TDRD12: variants seen among roughly 807,000 people sequenced by gnomAD.
The protein encoded by TDRD12 is tudor domain containing 12, also known as putative ATP-dependent RNA helicase TDRD12.
In TDRD12, 158 loss-of-function variants were observed where a neutral mutation model predicts 133.5. That is an observed-to-expected ratio of 1.18 (90% confidence interval 1.04 to 1.35). The LOEUF is 1.35. Among genes scored for constraint, TDRD12 ranks in the 40% most tolerant of loss-of-function variants. TDRD12 has a pLI of 0.00. For synonymous variants in TDRD12, 460 were observed against 477.9 expected (o/e 0.96, Z 0.49); for missense variants, 1,443 against 1,321.3 (o/e 1.09, Z -1.43).
chr19:32,770,549 G>A (rs1970417006), intron 8 of TDRD12, among the ~76,000 whole-genome samples: 1 of 151,912 alleles, frequency 6.6e-6, no homozygotes, highest in Non-Finnish European at 1.5e-5. Context: ...TTTCATTTCT[G>A]TTCTGTTTTC....
At chr19:32,782,256 G>A (rs1423028159) in intron 11 of TDRD12, among the ~76,000 whole-genome samples, 1 of 152,014 alleles carries the variant, frequency 6.6e-6, no homozygotes, top group East Asian at 1.9e-4. Context: ...TGAGAATGAT[G>A]GTTTCCAGCT....
At chr19:32,721,937 C>T (rs1968695010) in intron 1 of TDRD12, among the ~76,000 whole-genome samples, 1 of 149,156 alleles carries the variant, frequency 6.7e-6, no homozygotes, top group Admixed American at 6.7e-5. Flanking sequence ...AGGATGGTCT[C>T]CATTTCCTGA....
intron 4 of TDRD12, 125 bp from the exon 5 acceptor site, chr19:32,748,351 C>A: frequency 3.2e-6 from 3 of 943,338 alleles, no homozygotes; most frequent in Non-Finnish European, 3.2e-6. Context: ...GCCAGGTGCC[C>A]CATCATCTGC....
exon 17 of TDRD12, chr19:32,800,317 A>G: frequency 6.5e-7 from 1 of 1,526,914 alleles, no homozygotes; most frequent in Non-Finnish European, 8.7e-7. Context: ...CATTGTGATC[A>G]CAGCCATGGA....
chr19:32,810,896 A>G (rs980662751), intron 23 of TDRD12, among the ~76,000 whole-genome samples: 3 of 152,202 alleles, frequency 2.0e-5, no homozygotes, highest in Non-Finnish European at 2.9e-5. Flanking sequence ...TGTCTCTACA[A>G]AAAACAAACA....
chr19:32,803,960 A>G (rs1971471966), intron 21 of TDRD12, among the ~76,000 whole-genome samples: 1 of 151,844 alleles, frequency 6.6e-6, no homozygotes, highest in Admixed American at 6.6e-5. Context: ...TATATACTCA[A>G]CATAAGTACT....
chr19:32,807,646 A>T lies in TDRD12; in HGVS notation c.2650A>T (p.Lys884Ter). ...AGCCCTACCTTCATTTGGATACATT[A>T]AAGTAGGTTTGGTTAAAGATGCTTG... is the stretch of plus-strand genomic sequence containing the variant. The change falls in exon 22 of 28, where the codon AAA (lysine) becomes TAA (stop). Residue 884 changes from lysine (K) to a stop codon, truncating the protein, a stop_gained and splice_region_variant. Coordinates refer to ENST00000444215, the Ensembl canonical transcript of TDRD12. LOFTEE classifies it high-confidence loss of function. 6.6e-7 allele frequency: 1 copy of T among 1,523,592 alleles called. No homozygotes were observed. Among genetic ancestry groups the T allele is most frequent in the Non-Finnish European group, 8.8e-7 (1 of 1,142,264 alleles). The allele number at this position is 1,523,592 out of a possible 1,614,324, so 94.4% of individuals were successfully genotyped here. A position where few individuals can be genotyped will look rare whatever the true frequency, so the allele number is the denominator to read the frequency against.
intron 4 of TDRD12, among the ~76,000 whole-genome samples, chr19:32,744,781 G>A (rs573921728): frequency 8.6e-5 from 13 of 151,970 alleles, no homozygotes; most frequent in East Asian, 3.9e-4. Flanking sequence ...CCTCCCACCC[G>A]GTGCTCCTCC....
At chr19:32,803,866 T>C (rs1374173442) in intron 21 of TDRD12, among the ~76,000 whole-genome samples, 1 of 152,144 alleles carries the variant, frequency 6.6e-6, no homozygotes, top group East Asian at 1.9e-4. Flanking sequence ...CCTCTTTTTG[T>C]GAAGTGCCCG....
rs144201712 is a variant in TDRD12, at chr19:32,790,027, C to T, written c.1122-504C>T. ...CAAAAAAAAAAGAAAAAAGAAAAAA[C>T]GCGTTTACAGGAATGAGGCTTTAGG... On this transcript the variant is annotated intron_variant, in intron 11 of 27. Transcript: ENST00000444215. Among the ~76,000 whole-genome samples, 23 of 151,820 alleles carry T rather than the reference C, an allele frequency of 1.5e-4. No individual in the cohort carries two copies. In the East Asian group the frequency reaches 3.5e-3, roughly 23 times the overall value.
rs1348241811 is a variant in TDRD12, at chr19:32,736,459, TATATG to T, written c.184-2395_184-2391del. ...GGTCACTGAAGAGCTCTCATGGAGA[TATATG>T]AGATGAATGTGGCTTTCATGCCTCA... On this transcript the variant is annotated intron_variant, in intron 2 of 27. Coordinates refer to ENST00000444215, the Ensembl canonical transcript of TDRD12. 3.9e-5 allele frequency among the ~76,000 whole-genome samples: 6 copies of T among 152,348 alleles called. 1 individual carries two copies. The South Asian group carries it at 8.3e-4, about 21-fold the overall frequency.
chr19:32,748,032 C>A (rs1969706384), intron 4 of TDRD12, among the ~76,000 whole-genome samples: 1 of 152,058 alleles, frequency 6.6e-6, no homozygotes, highest in South Asian at 2.1e-4. Flanking sequence ...CAAAATGAAA[C>A]AAAGATAGTA....
exon 15 of TDRD12, chr19:32,797,740 C>T (rs1048861850): frequency 1.3e-5 from 9 of 685,512 alleles, no homozygotes; most frequent in Middle Eastern, 2.3e-4. Flanking sequence ...CGCAGCCTCT[C>T]GCAGTCATCG....
intron 1 of TDRD12, among the ~76,000 whole-genome samples, chr19:32,730,216 G>A (rs1012194872): frequency 1.3e-5 from 2 of 152,118 alleles, no homozygotes; most frequent in East Asian, 1.9e-4. Context: ...GTGGCTCTCC[G>A]TTTAGGAATT....
chr19:32,759,784 C>T (rs12610342), intron 8 of TDRD12, among the ~76,000 whole-genome samples: 34,745 of 151,978 alleles, frequency 0.23, 4,305 homozygotes, highest in African/African-American at 0.32. Context: ...CAAATATATC[C>T]GGTATAATGT....
At chr19:32,790,225 G>A (rs1221892086) in intron 11 of TDRD12, among the ~76,000 whole-genome samples, 2 of 152,124 alleles carry the variant, frequency 1.3e-5, no homozygotes, top group Admixed American at 6.5e-5. Flanking sequence ...AGGTGACTGT[G>A]GACAAGTCCT....
chr19:32,790,470 A>C, intron 11 of TDRD12, 61 bp from the exon 12 acceptor site: 2 of 1,482,304 alleles, frequency 1.3e-6, no homozygotes, highest in Non-Finnish European at 1.8e-6. Flanking sequence ...AACTAAAAGA[A>C]TAGCTCAACT....
At chr19:32,815,685 AG>A in intron 26 of TDRD12, 65 bp downstream of exon 26, 1 of 1,433,070 alleles carries the variant, frequency 7.0e-7, no homozygotes, top group South Asian at 1.3e-5. Flanking sequence ...ACAAGTGTTA[AG>A]GACATGTTTT....
chr19:32,816,459 G>A (rs927302978), intron 26 of TDRD12, among the ~76,000 whole-genome samples: 3 of 152,136 alleles, frequency 2.0e-5, no homozygotes, highest in Non-Finnish European at 4.4e-5. Context: ...GCTCAAAGGA[G>A]GCATAAATTC....
Sources: gnomAD v4.1 joint callset for allele counts (sites outside exome capture counted in the v4.1 genomes callset) on GRCh38, gnomAD v4.1.1 for gene constraint, MANE v1.5 for transcripts, NCBI Gene and HGNC (gene_info 2026-07-23, HGNC 2026-07-21) for gene names.